The following SLC39A10 variants were observed in gnomAD, a reference collection of about 807,000 sequenced individuals.
SLC39A10 encodes the protein solute carrier family 39 member 10.
SLC39A10 carries 13 observed loss-of-function variants against 65.1 expected under a neutral mutation model. The observed-to-expected ratio is 0.20, with a 90% CI of 0.13 to 0.32. The LOEUF is 0.32. Among genes scored for constraint, SLC39A10 ranks in the 10% least tolerant of loss-of-function variants. The pLI, the probability that SLC39A10 is intolerant of heterozygous loss-of-function variation, is 1.00. For synonymous variants in SLC39A10, 321 were observed against 342.2 expected (o/e 0.94, Z 0.68); for missense variants, 831 against 1,018.4 (o/e 0.82, Z 2.50).
chr2:195,708,965 A>G, intron 5 of SLC39A10, 121 bp downstream of exon 5: 5 of 674,072 alleles, frequency 7.4e-6, no homozygotes, highest in Non-Finnish European at 9.4e-6. Context: ...GTTTTGTAAC[A>G]GCTAATCTTT....
At chr2:195,655,042 T>G (rs1313514200), upstream of SLC39A10, among the ~76,000 whole-genome samples, 1 of 152,180 alleles carries the variant, frequency 6.6e-6, no homozygotes, top group African/African-American at 2.4e-5. Context: ...CCACATAGTT[T>G]TCTATAGGGA....
intron 1 of SLC39A10, among the ~76,000 whole-genome samples, chr2:195,667,832 CAG>C (rs1689692826): frequency 6.6e-6 from 1 of 152,064 alleles, no homozygotes; most frequent in Admixed American, 6.6e-5. Flanking sequence ...GAAGTAGGGA[CAG>C]AACTCAATTT....
At chr2:195,623,676 C>T (rs2105689154) in intron 2 of SLC39A10, among the ~76,000 whole-genome samples, 1 of 152,102 alleles carries the variant, frequency 6.6e-6, no homozygotes, top group East Asian at 1.9e-4. Context: ...GTTTTGTAAA[C>T]TTGCTTGTTT....
upstream of SLC39A10, among the ~76,000 whole-genome samples, chr2:195,654,265 C>T (rs1238592903): frequency 6.6e-6 from 1 of 152,152 alleles, no homozygotes; most frequent in Non-Finnish European, 1.5e-5. Flanking sequence ...TTATAGATTT[C>T]ATTAAAGACT....
chr2:195,704,555 A>G (rs1018055605), intron 3 of SLC39A10, among the ~76,000 whole-genome samples: 1 of 152,168 alleles, frequency 6.6e-6, no homozygotes, highest in African/African-American at 2.4e-5. Flanking sequence ...ATTTATACCT[A>G]TGACTACTTC....
chr2:195,719,884 G>A (rs1419003868), intron 8 of SLC39A10, among the ~76,000 whole-genome samples: 10 of 149,224 alleles, frequency 6.7e-5, no homozygotes, highest in African/African-American at 2.0e-4. Flanking sequence ...TCCGCCTCCC[G>A]GGTTCAAGTA....
At chr2:195,729,961 A>ATTTTTTTTTTTTT (rs58936616) in intron 9 of SLC39A10, among the ~76,000 whole-genome samples, 4 of 92,134 alleles carry the variant, frequency 4.3e-5, no homozygotes, top group Non-Finnish European at 6.0e-5. Context: ...ACCATGCCTA[A>ATTTTTTTTTTTTT]TTTTTTTTTT....
At chr2:195,640,523 C>T (rs964045488) in intron 2 of SLC39A10, among the ~76,000 whole-genome samples, 5 of 151,776 alleles carry the variant, frequency 3.3e-5, no homozygotes, top group African/African-American at 4.8e-5. Flanking sequence ...GTAATGTAAA[C>T]GTTAATTATA....
intron 3 of SLC39A10, among the ~76,000 whole-genome samples, chr2:195,697,152 C>T (rs567756066): frequency 5.0e-4 from 76 of 152,032 alleles, no homozygotes; most frequent in African/African-American, 1.8e-3. Context: ...AGTGGATCCT[C>T]GCAGTTCAAA....
chr2:195,619,668 G>A (rs1688308361), intron 2 of SLC39A10, among the ~76,000 whole-genome samples: 1 of 151,922 alleles, frequency 6.6e-6, no homozygotes, highest in Non-Finnish European at 1.5e-5. Flanking sequence ...CAATGTAAAA[G>A]ATAACTACTT....
intron 3 of SLC39A10, among the ~76,000 whole-genome samples, chr2:195,702,199 C>G (rs2105804382): frequency 6.6e-6 from 1 of 152,286 alleles, no homozygotes; most frequent in Non-Finnish European, 1.5e-5. Context: ...AGGAGAGGTA[C>G]AGCAACATGG....
In SLC39A10 at chr2:195,671,956, C is replaced by T. The variant is rs367639617; in HGVS notation, c.-11-8076C>T. ...GAGCTGCACTCAGACCCGGAGCGGT[C>T]ATCTTTTTTTTTTTTAATGTCCAAG... On this transcript the variant is annotated intron_variant, in intron 1 of 9. Transcript: ENST00000359634. 4.0e-5 allele frequency among the ~76,000 whole-genome samples: 6 copies of T among 151,232 alleles called. No individual in the cohort carries two copies. The East Asian group carries it at 7.7e-4, about 20-fold the overall frequency.
In SLC39A10 at chr2:195,717,068, T is replaced by G; in HGVS notation, c.2065+63T>G. ...TGGACTATAATATGTATGATTAAAT[T>G]TGGCTGGAGCTTAACAAATATATGG... On this transcript the variant is annotated intron_variant, in intron 7 of 9. Coordinates refer to ENST00000359634, the MANE Select transcript of SLC39A10 (RefSeq NM_020342.3). 2 of 1,543,122 alleles carry G rather than the reference T, an allele frequency of 1.3e-6. 1 individual carries two copies. The highest frequency in any genetic ancestry group is 2.5e-5 in the South Asian group (2 of 78,432).
rs1692554418 is a variant in SLC39A10, at chr2:195,735,247, TA to T, written c.*209del. The T allele has an allele frequency of 4.9e-6, 2 of 408,132 alleles. No individual in the cohort carries two copies. Among genetic ancestry groups the T allele is most frequent in the Non-Finnish European group, 8.5e-6 (2 of 234,486 alleles). 25.3% of individuals were successfully genotyped at this position (408,132 alleles called of 1,614,324 possible). A position where few individuals can be genotyped will look rare whatever the true frequency, so the allele number is the denominator to read the frequency against. ...TCTTTTAAAAATATAAAGCTTGTGA[TA>T]AAGAGAGGAGAATATGGGACTCCAT... On this transcript the variant is annotated 3_prime_UTR_variant, in exon 10 of 10. Transcript: ENST00000359634.
upstream of SLC39A10, among the ~76,000 whole-genome samples, chr2:195,652,362 A>G (rs1204721872): frequency 1.3e-5 from 2 of 152,080 alleles, no homozygotes; most frequent in Non-Finnish European, 2.9e-5. Context: ...AGCCTGGCCA[A>G]CATGGAGAAA....
intron 1 of SLC39A10, chr2:195,657,668 G>A: frequency 3.1e-6 from 3 of 976,864 alleles, no homozygotes; most frequent in Non-Finnish European, 3.6e-6. Flanking sequence ...GGCGGGTGGC[G>A]GCGGTTAGGG....
intron 5 of SLC39A10, among the ~76,000 whole-genome samples, chr2:195,711,712 C>T (rs1440799407): frequency 6.6e-6 from 1 of 152,200 alleles, no homozygotes; most frequent in Non-Finnish European, 1.5e-5. Context: ...CTTGTTTCAG[C>T]AAGTTGGGGA....
Position 195,728,247 on chromosome 2 carries a change from C to A in SLC39A10, c.2235C>A (p.Gly745=). 6.2e-7 allele frequency: 1 copy of A among 1,614,074 alleles called. No homozygotes were observed. Among genetic ancestry groups the A allele is most frequent in the Non-Finnish European group, 8.5e-7 (1 of 1,179,930 alleles). Reference sequence around the variant, plus strand: ...TCTCTGCCATGATGGCTTACATAGGCATGCTCATAGGCACAGCTGTTGGTC... The same window carrying A: ...TCTCTGCCATGATGGCTTACATAGGAATGCTCATAGGCACAGCTGTTGGTC... ...NLLSAMMAYI[G]MLIGTAVGQY... The change falls in exon 9 of 10, where the codon GGC becomes GGA. Residue 745 remains glycine, a synonymous_variant. Transcript: ENST00000359634. The surrounding 1 kb of genome is among the most constrained non-coding windows in gnomAD (Gnocchi z 4.4).
chr2:195,716,330 C>G (rs147537521), intron 6 of SLC39A10, among the ~76,000 whole-genome samples: 2 of 152,268 alleles, frequency 1.3e-5, no homozygotes, highest in African/African-American at 2.4e-5. Context: ...TTTTTCTCCT[C>G]ACTTTGCCTG....
Sources: allele counts gnomAD v4.1 joint callset (sites outside exome capture counted in the v4.1 genomes callset), GRCh38; gene constraint gnomAD v4.1.1; non-coding constraint Gnocchi (gnomAD v3.1); transcripts MANE v1.5; gene names NCBI Gene and HGNC (gene_info 2026-07-23, HGNC 2026-07-21).